Variants in ATP1B3 observed in about 807,000 individuals in gnomAD.
ATP1B3 encodes the protein ATPase Na+/K+ transporting subunit beta 3.
ATP1B3 carries 10 observed loss-of-function variants against 30.2 expected under a neutral mutation model. The ratio of observed to expected loss-of-function variants is 0.33; its 90% CI spans 0.20 to 0.56. ATP1B3 has a LOEUF of 0.56. ATP1B3 is among the 20% of genes least tolerant of loss of function. The pLI, the probability that ATP1B3 is intolerant of heterozygous loss-of-function variation, is 0.90. For missense variants in ATP1B3, 238 were observed against 336.7 expected, an observed-to-expected ratio of 0.71 and a Z score of 2.29; for synonymous variants, 113 against 117.0, an observed-to-expected ratio of 0.97 and a Z score of 0.22.
At chr3:141,907,787 G>C (rs371058177) in intron 3 of ATP1B3, among the ~76,000 whole-genome samples, 1 of 152,096 alleles carries the variant, frequency 6.6e-6, no homozygotes, top group African/African-American at 2.4e-5. Context: ...ACTATAGAAA[G>C]ACACAGGGGC....
chr3:141,899,954 C>T (rs980065084), intron 1 of ATP1B3, among the ~76,000 whole-genome samples: 4 of 152,076 alleles, frequency 2.6e-5, no homozygotes, highest in South Asian at 2.1e-4. Flanking sequence ...TCACTTGAGC[C>T]GAGGATTTTG....
At chr3:141,893,684 A>G (rs1934002555) in intron 1 of ATP1B3, among the ~76,000 whole-genome samples, 1 of 152,136 alleles carries the variant, frequency 6.6e-6, no homozygotes, top group African/African-American at 2.4e-5. Flanking sequence ...TTTGGTATAC[A>G]CTCATGTATA....
chr3:141,887,402 A>G (rs9810380), intron 1 of ATP1B3, among the ~76,000 whole-genome samples: 21,061 of 152,154 alleles, frequency 0.14, 1,701 homozygotes, highest in East Asian at 0.39. Context: ...AATATCAGTA[A>G]GTCCAACATC....
chr3:141,917,125 T>G (rs1934478716), intron 5 of ATP1B3, among the ~76,000 whole-genome samples: 1 of 151,656 alleles, frequency 6.6e-6, no homozygotes, highest in African/African-American at 2.4e-5. Context: ...AGTGCTGGGA[T>G]TACAGGCATG....
chr3:141,924,943 ACT>A (rs1379438675), intron 6 of ATP1B3, among the ~76,000 whole-genome samples: 2 of 151,718 alleles, frequency 1.3e-5, no homozygotes, highest in East Asian at 3.9e-4. Context: ...ACAGAGCAAG[ACT>A]CTGCCTCACA....
intron 1 of ATP1B3, among the ~76,000 whole-genome samples, chr3:141,883,216 A>G (rs1478015891): frequency 6.6e-6 from 1 of 152,190 alleles, no homozygotes; most frequent in Non-Finnish European, 1.5e-5. Flanking sequence ...GGCCAGGTGC[A>G]GTGGCTCTTG....
At chr3:141,917,778 T>A (rs1321721564) in intron 5 of ATP1B3, among the ~76,000 whole-genome samples, 4 of 151,458 alleles carry the variant, frequency 2.6e-5, no homozygotes, top group South Asian at 2.1e-4. Flanking sequence ...TTTATTTTTT[T>A]TTTTTTGGAG....
At chr3:141,903,828 C>G (rs1934213351) in intron 2 of ATP1B3, 80 bp downstream of exon 2, 4 of 1,512,958 alleles carry the variant, frequency 2.6e-6, no homozygotes, top group Non-Finnish European at 1.8e-6. Flanking sequence ...GTTGCCCAGG[C>G]TGGAATGCAG....
At chr3:141,883,358 G>A (rs374628806) in intron 1 of ATP1B3, among the ~76,000 whole-genome samples, 56 of 152,188 alleles carry the variant, frequency 3.7e-4, no homozygotes, top group African/African-American at 1.2e-3. Flanking sequence ...GTGTGGTGGC[G>A]TAGTGAATTT....
chr3:141,897,127 A>G (rs1934081414), intron 1 of ATP1B3, among the ~76,000 whole-genome samples: 1 of 152,118 alleles, frequency 6.6e-6, no homozygotes, highest in African/African-American at 2.4e-5. Flanking sequence ...GGGCTCATGC[A>G]TACTGAGAGA....
At chr3:141,916,786 A>G (rs1315292854) in intron 5 of ATP1B3, among the ~76,000 whole-genome samples, 1 of 152,186 alleles carries the variant, frequency 6.6e-6, no homozygotes, top group East Asian at 1.9e-4. Flanking sequence ...ATCACTCATC[A>G]GAGTCATGTT....
intron 1 of ATP1B3, among the ~76,000 whole-genome samples, chr3:141,900,507 T>C (rs1263840275): frequency 6.6e-6 from 1 of 152,174 alleles, no homozygotes; most frequent in Non-Finnish European, 1.5e-5. Flanking sequence ...CTTACTTTCC[T>C]GAGCTCTGTG....
rs201417270 is a variant in ATP1B3, at chr3:141,890,091, T to TTC, written c.109+13182_109+13183insCT. Reference sequence around the variant, plus strand: ...CCTGTAATCTAATTTTTTTTCTTTTTTTTTTTTTTTTTTTTTTGAGACAGA... The same window carrying TTC: ...CCTGTAATCTAATTTTTTTTCTTTTTTCTTTTTTTTTTTTTTTTTGAGACAGA... On this transcript the variant is annotated intron_variant, in intron 1 of 6. Transcript: ENST00000286371. 3.5e-3 allele frequency among the ~76,000 whole-genome samples: 426 copies of TTC among 123,246 alleles called. 2 individuals carry two copies. The highest frequency in any genetic ancestry group is 0.01 in the African/African-American group (341 of 33,792). 80.9% of individuals were successfully genotyped at this position (123,246 alleles called of 152,430 possible). A position where few individuals can be genotyped will look rare whatever the true frequency, so the allele number is the denominator to read the frequency against.
rs79588744 is a variant in ATP1B3, at chr3:141,909,728, C to T, written c.346+2454C>T. ...GATCCAGACTGTAGGTCCTTAGAAC[C>T]CATTGTTAAGTTCTTTGGCTTTTAC... On this transcript the variant is annotated intron_variant, in intron 3 of 6. Coordinates refer to ENST00000286371, the MANE Select transcript of ATP1B3 (RefSeq NM_001679.4). Among the ~76,000 whole-genome samples the T allele has an allele frequency of 2.6e-3, 401 of 152,224 alleles. 4 individuals carry two copies. The highest frequency in any genetic ancestry group is 0.019 in the Admixed American group (286 of 15,286).
In ATP1B3 at chr3:141,908,534, C is replaced by T. The variant is rs574807076; in HGVS notation, c.346+1260C>T. ...CAGACCTCTCAGTCTTCATGTCACA[C>T]CCTGTGGGAGTACCCCACTCCTGGA... On this transcript the variant is annotated intron_variant, in intron 3 of 6. Coordinates refer to ENST00000286371, the MANE Select transcript of ATP1B3 (RefSeq NM_001679.4). Among the ~76,000 whole-genome samples the T allele has an allele frequency of 8.5e-4, 129 of 152,320 alleles. 1 individual carries two copies. Among genetic ancestry groups the T allele is most frequent in the Middle Eastern group, 3.4e-3 (1 of 294 alleles).
rs535787990 is a variant in ATP1B3, at chr3:141,899,612, G to A, written c.110-4008G>A. On this transcript the variant is annotated intron_variant, in intron 1 of 6. Coordinates refer to ENST00000286371, the MANE Select transcript of ATP1B3 (RefSeq NM_001679.4). Reference sequence around the variant, plus strand: ...TGGCTGGATGCAGTGGCTCACGCCTGTAATCCCAGCACTTTGGAAGGCTGA... The same window carrying A: ...TGGCTGGATGCAGTGGCTCACGCCTATAATCCCAGCACTTTGGAAGGCTGA... 3.3e-5 allele frequency among the ~76,000 whole-genome samples: 5 copies of A among 152,312 alleles called. No homozygotes were observed. The South Asian group carries it at 8.3e-4, about 25-fold the overall frequency.
intron 1 of ATP1B3, among the ~76,000 whole-genome samples, chr3:141,899,213 C>T (rs544007538): frequency 2.4e-4 from 36 of 151,890 alleles, no homozygotes; most frequent in East Asian, 7.7e-4. Context: ...GAATGGTATG[C>T]GAATAATATT....
At chr3:141,900,688 T>A (rs1276448899) in intron 1 of ATP1B3, among the ~76,000 whole-genome samples, 2 of 152,120 alleles carry the variant, frequency 1.3e-5, no homozygotes, top group Admixed American at 1.3e-4. Context: ...CCAGTGTGGT[T>A]GAGGCAGAAG....
Position 141,876,672 on chromosome 3 carries a change from A to C in ATP1B3, c.-130A>C, listed in dbSNP as rs1182660448. On this transcript the variant is annotated 5_prime_UTR_variant, in exon 1 of 7. Coordinates refer to ENST00000286371, the MANE Select transcript of ATP1B3 (RefSeq NM_001679.4). Reference sequence around the variant, plus strand: ...GGCTCGAGTACTCCCCGTAACGAGGAGGTGTTCTCGGCCGTCCCACCCTTC... The same window carrying C: ...GGCTCGAGTACTCCCCGTAACGAGGCGGTGTTCTCGGCCGTCCCACCCTTC... The C allele has an allele frequency of 5.2e-6, 3 of 581,416 alleles. No homozygotes were observed. The highest frequency in any genetic ancestry group is 8.8e-6 in the Non-Finnish European group (3 of 342,000). 36.0% of individuals were successfully genotyped at this position (581,416 alleles called of 1,614,324 possible). A position where few individuals can be genotyped will look rare whatever the true frequency, so the allele number is the denominator to read the frequency against.
Sources: allele counts gnomAD v4.1 joint callset (sites outside exome capture counted in the v4.1 genomes callset), GRCh38; gene constraint gnomAD v4.1.1; transcripts MANE v1.5; gene names NCBI Gene and HGNC (gene_info 2026-07-23, HGNC 2026-07-21).